The following NF1 variants were observed in gnomAD, a reference collection of about 807,000 sequenced individuals.
NF1 encodes the protein neurofibromin 1.
Under a neutral mutation model 325.7 loss-of-function variants are expected in NF1, and 122 were observed. The observed-to-expected ratio is 0.37, with a 90% CI of 0.32 to 0.44. The LOEUF is 0.44. NF1 is among the 20% of genes least tolerant of loss of function. The pLI is 1.00. For synonymous variants in NF1, 1,091 were observed against 1,186.0 expected (o/e 0.92, Z 1.65); for missense variants, 2,140 against 3,415.4 (o/e 0.63, Z 9.31).
chr17:31,367,948 C>T (rs2070561431), intron 57 of NF1, among the ~76,000 whole-genome samples: 1 of 148,502 alleles, frequency 6.7e-6, no homozygotes, highest in Non-Finnish European at 1.5e-5. Context: ...TACTCTGTCT[C>T]ACAAAAAAAT....
intron 39 of NF1, chr17:31,330,786 G>A (rs546459481): frequency 7.3e-5 from 23 of 315,932 alleles, no homozygotes; most frequent in African/African-American, 5.0e-4. Context: ...CACTGTTGCA[G>A]TTTAATTAGC....
chr17:31,317,883 G>A (rs2069066977), intron 36 of NF1: 1 of 167,362 alleles, frequency 6.0e-6, no homozygotes, highest in Admixed American at 6.0e-5. Flanking sequence ...CTATGCATTA[G>A]GAATTTGACT....
In NF1 at chr17:31,163,257, T is replaced by G; in HGVS notation, c.360T>G (p.Phe120Leu). The G allele has an allele frequency of 6.2e-7, 1 of 1,614,170 alleles. No homozygotes were observed. Residue 120 changes from phenylalanine to leucine, a missense_variant, in exon 4 of 58, where the codon TTT (phenylalanine) becomes TTG (leucine). Coordinates refer to ENST00000358273, the MANE Select transcript of NF1 (RefSeq NM_001042492.3). ...AGTTGCTGCCAGAAATCTGCCATTT[T>G]CTTCACACCTGTCGTGAAGGAAACC... is the stretch of plus-strand genomic sequence containing the variant. ...VKQLLPEICH[F>L]LHTCREGNQH...
At chr17:31,097,066 TA>T (rs1456524313) in intron 1 of NF1, among the ~76,000 whole-genome samples, 1 of 152,218 alleles carries the variant, frequency 6.6e-6, no homozygotes, top group African/African-American at 2.4e-5. Context: ...TTTTAAAAAT[TA>T]AAAATTTTTT....
chr17:31,350,745 T>A (rs974583746), intron 50 of NF1, among the ~76,000 whole-genome samples: 2 of 152,158 alleles, frequency 1.3e-5, no homozygotes, highest in Non-Finnish European at 2.9e-5. Flanking sequence ...ACAAGTTATT[T>A]AAAAGTTTTC....
At chr17:31,201,543 CG>C (rs1443992161) in intron 11 of NF1, 58 bp downstream of exon 11, 6 of 1,275,976 alleles carry the variant, frequency 4.7e-6, no homozygotes, top group South Asian at 2.5e-5. Context: ...CTTTTCTTTG[CG>C]TATTTCTTTT....
chr17:31,278,700 C>T (rs531407598), intron 36 of NF1, among the ~76,000 whole-genome samples: 2 of 151,150 alleles, frequency 1.3e-5, no homozygotes, highest in Non-Finnish European at 3.0e-5. Context: ...CTGCAACCTA[C>T]ACCTCCCAGA....
Position 31,358,392 on chromosome 17 carries a change from C to T in NF1, c.7971-88C>T, listed in dbSNP as rs966174306. 10 of 1,353,698 alleles carry T rather than the reference C, an allele frequency of 7.4e-6. No homozygotes were observed. In the Admixed American group the frequency reaches 7.8e-5, roughly 11 times the overall value. 83.9% of individuals were successfully genotyped at this position (1,353,698 alleles called of 1,614,324 possible). A position where few individuals can be genotyped will look rare whatever the true frequency, so the allele number is the denominator to read the frequency against. On this transcript the variant is annotated intron_variant, in intron 54 of 57. Transcript: ENST00000358273. ...CTCCCTTTAATTTTGGCACATTATT[C>T]TGGGGAATGTATATTATGTTTTCCA...
In NF1 at chr17:31,349,105, GT is replaced by G; in HGVS notation, c.7190-12del. 1 of 1,567,828 alleles carries G rather than the reference GT, an allele frequency of 6.4e-7. No individual in the cohort carries two copies. The highest frequency in any genetic ancestry group is 8.6e-7 in the Non-Finnish European group (1 of 1,156,112). ...TTCTTACTTGTTTGTTTGTTTGTTT[GT>G]TTGTTTTTTGTAGGGTACAGGCATC... On this transcript the variant is annotated splice_polypyrimidine_tract_variant and intron_variant, in intron 48 of 57. Transcript: ENST00000358273.
intron 37 of NF1, among the ~76,000 whole-genome samples, chr17:31,326,521 A>G (rs531456203): frequency 1.2e-4 from 19 of 152,182 alleles, no homozygotes; most frequent in Admixed American, 1.0e-3. Flanking sequence ...GGTGGTGGGC[A>G]CCTGTAATCT....
At chr17:31,364,449 TTTC>T (rs1474887644) in intron 57 of NF1, among the ~76,000 whole-genome samples, 2 of 152,258 alleles carry the variant, frequency 1.3e-5, no homozygotes, top group South Asian at 2.1e-4. Flanking sequence ...TGAGCTGTAT[TTTC>T]TTTTGTCCAA....
At chr17:31,273,457 C>T (rs1205510785) in intron 36 of NF1, 2 of 152,144 alleles carry the variant, frequency 1.3e-5, no homozygotes, top group Admixed American at 6.5e-5. Context: ...AAAAATGACC[C>T]AAGCTAGAAC....
At position 31,374,757 on chromosome 17, in the gene NF1, T is replaced by A. The variant is rs1276126163; in HGVS notation, c.*602T>A. On this transcript the variant is annotated 3_prime_UTR_variant, in exon 58 of 58. Coordinates refer to ENST00000358273, the MANE Select transcript of NF1 (RefSeq NM_001042492.3). Reference sequence around the variant, plus strand: ...GTACTTGGGGGGGAGGGCAGGGAAATTTCATATTTTATAGTGGATTCTTAA... The same window carrying A: ...GTACTTGGGGGGGAGGGCAGGGAAAATTCATATTTTATAGTGGATTCTTAA... The A allele has an allele frequency of 8.5e-6, 2 of 233,932 alleles. No homozygotes were observed. Among genetic ancestry groups the A allele is most frequent in the African/African-American group, 4.4e-5 (2 of 45,192 alleles). 14.5% of individuals were successfully genotyped at this position (233,932 alleles called of 1,614,324 possible). A position where few individuals can be genotyped will look rare whatever the true frequency, so the allele number is the denominator to read the frequency against.
chr17:31,182,978 A>T, intron 8 of NF1: 1 of 574,640 alleles, frequency 1.7e-6, no homozygotes, highest in South Asian at 2.5e-5. Context: ...CACTACAAGG[A>T]TTGCCCTACT....
chr17:31,170,311 A>C (rs1354960423), intron 5 of NF1, among the ~76,000 whole-genome samples: 1 of 152,200 alleles, frequency 6.6e-6, no homozygotes, highest in Non-Finnish European at 1.5e-5. Flanking sequence ...AAGGGTGGCT[A>C]TAGGTTATAG....
intron 5 of NF1, among the ~76,000 whole-genome samples, chr17:31,177,662 G>A (rs994295393): frequency 9.2e-5 from 14 of 151,966 alleles, no homozygotes; most frequent in African/African-American, 3.4e-4. Flanking sequence ...AACCATCTTA[G>A]AGAAGAACAT....
At chr17:31,219,297 T>A in intron 14 of NF1, 179 bp downstream of exon 14, 2 of 542,874 alleles carry the variant, frequency 3.7e-6, no homozygotes, top group Non-Finnish European at 3.2e-6. Flanking sequence ...TTTACTTGCT[T>A]TGTATCACAT....
chr17:31,300,793 A>G (rs2068557341), intron 36 of NF1, among the ~76,000 whole-genome samples: 1 of 152,130 alleles, frequency 6.6e-6, no homozygotes, highest in Admixed American at 6.5e-5. Context: ...CGAGTTCTAT[A>G]CAGCCTCACT....
At chr17:31,308,504 C>G (rs1353514776) in intron 36 of NF1, among the ~76,000 whole-genome samples, 1 of 152,172 alleles carries the variant, frequency 6.6e-6, no homozygotes, top group African/African-American at 2.4e-5. Flanking sequence ...AGTCCAGATT[C>G]ACGTATCATG....
Sources: allele counts gnomAD v4.1 joint callset (sites outside exome capture counted in the v4.1 genomes callset), GRCh38; gene constraint gnomAD v4.1.1; transcripts MANE v1.5; gene names NCBI Gene and HGNC (gene_info 2026-07-23, HGNC 2026-07-21).